The following PAX6 variants were observed in gnomAD, a reference collection of about 807,000 sequenced individuals.
The protein encoded by PAX6 is paired box protein Pax-6.
A neutral mutation model predicts 60.7 loss-of-function variants in PAX6; 7 were observed. The observed-to-expected ratio is 0.12, with a 90% CI of 0.07 to 0.22. The LOEUF is 0.22. Among genes scored for constraint, PAX6 ranks in the 10% least tolerant of loss-of-function variants. PAX6 has a pLI of 1.00. For missense variants in PAX6, 355 were observed against 555.2 expected, an observed-to-expected ratio of 0.64 and a Z score of 3.62; for synonymous variants, 208 against 201.2, an observed-to-expected ratio of 1.03 and a Z score of -0.29.
chr11:31,807,473 A>T (rs1332352917), intron 2 of PAX6: 1 of 152,204 alleles, frequency 6.6e-6, no homozygotes, highest in Admixed American at 6.5e-5. Context: ...CACCAAAAAA[A>T]CTTCCCAATG....
chr11:31,800,912 C>T (rs999681223), intron 7 of PAX6, 56 bp from the exon 8 acceptor site: 1 of 1,556,436 alleles, frequency 6.4e-7, no homozygotes, highest in African/African-American at 1.4e-5. Context: ...GACACAGTCA[C>T]CCATCTCAGC....
chr11:31,807,243 TAG>T (rs1956031810), intron 2 of PAX6: 1 of 151,750 alleles, frequency 6.6e-6, no homozygotes, highest in Non-Finnish European at 1.5e-5. Context: ...GAGTAAGGAG[TAG>T]AGGCCAAGAG....
At chr11:31,800,654 A>G in intron 8 of PAX6, 37 bp downstream of exon 8, 1 of 1,612,348 alleles carries the variant, frequency 6.2e-7, no homozygotes, top group South Asian at 1.1e-5. Context: ...AGGGATGCAC[A>G]TATGGAGAGC....
At chr11:31,800,572 A>C in intron 8 of PAX6, 119 bp downstream of exon 8, 1 of 1,204,702 alleles carries the variant, frequency 8.3e-7, no homozygotes, top group Non-Finnish European at 1.2e-6. Context: ...CTTCAAATGC[A>C]GTCTCACCCA....
chr11:31,808,611 C>A (rs973586971), intron 2 of PAX6: 1 of 151,782 alleles, frequency 6.6e-6, no homozygotes, highest in African/African-American at 2.4e-5. Flanking sequence ...ACAGAATGCT[C>A]CCATCCTGGC....
chr11:31,794,423 CA>C (rs1565204565), intron 9 of PAX6: 24 of 3,168 alleles, frequency 7.6e-3, no homozygotes, highest in African/African-American at 0.034. Flanking sequence ...ACACACACCA[CA>C]CACACACACA....
intron 7 of PAX6, chr11:31,801,261 C>A: frequency 7.2e-7 from 1 of 1,380,274 alleles, no homozygotes; most frequent in South Asian, 1.5e-5. Context: ...TGGATTAGGA[C>A]GAAGTTACAA....
intron 8 of PAX6, among the ~76,000 whole-genome samples, chr11:31,799,078 G>A (rs1304445280): frequency 6.6e-6 from 1 of 152,260 alleles, no homozygotes; most frequent in Non-Finnish European, 1.5e-5. Context: ...ACCTCAGATT[G>A]CTGGGGGCGG....
At chr11:31,802,452 A>G (rs569809145) in intron 5 of PAX6, 2 of 487,954 alleles carry the variant, frequency 4.1e-6, no homozygotes, top group Non-Finnish European at 7.2e-6. Context: ...TTTTAAAAAA[A>G]TCCGCACACA....
At chr11:31,815,030 T>TCTCTC (rs1957313094), upstream of PAX6, 96 of 71,540 alleles carry the variant, frequency 1.3e-3, 1 homozygote, top group African/African-American at 5.1e-3. Flanking sequence ...CTCTCTCTCT[T>TCTCTC]TCTCTCTCTG....
At chr11:31,808,495 T>G (rs1431165039) in intron 2 of PAX6, 1 of 152,222 alleles carries the variant, frequency 6.6e-6, no homozygotes, top group South Asian at 2.1e-4. Flanking sequence ...TGCAGGACCC[T>G]GAAGCTGCAA....
chr11:31,816,758 T>C (rs2135448916), intron 1 of PAX6: 2 of 645,364 alleles, frequency 3.1e-6, no homozygotes, highest in Admixed American at 4.6e-5. Flanking sequence ...GTGACTGAGC[T>C]CCGAAGGTGC....
chr11:31,807,736 C>G (rs1022559819), intron 2 of PAX6: 1 of 152,210 alleles, frequency 6.6e-6, no homozygotes, highest in Non-Finnish European at 1.5e-5. Flanking sequence ...TCCTCGAACC[C>G]AAGGAGCAAA....
chr11:31,800,263 T>A (rs1953210860), intron 8 of PAX6, among the ~76,000 whole-genome samples: 1 of 152,178 alleles, frequency 6.6e-6, no homozygotes, highest in Admixed American at 6.5e-5. Context: ...CTACTCATAG[T>A]CACATAATTT....
At chr11:31,815,511 G>T (rs959257906), upstream of PAX6, among the ~76,000 whole-genome samples, 34 of 152,226 alleles carry the variant, frequency 2.2e-4, no homozygotes, top group African/African-American at 7.7e-4. Context: ...TTTACTGGGG[G>T]ATTTGAGGCT....
At chr11:31,803,161 C>A in intron 4 of PAX6, 1 of 407,674 alleles carries the variant, frequency 2.5e-6, no homozygotes, top group Non-Finnish European at 4.6e-6. Context: ...CAGAGTCAGA[C>A]ACATGCCAAG....
At chr11:31,816,673 T>TC (rs964029798) in intron 1 of PAX6, 31 of 691,660 alleles carry the variant, frequency 4.5e-5, no homozygotes, top group East Asian at 3.8e-4. Context: ...ACTGCGCTCG[T>TC]CCCCCGTTTC....
upstream of PAX6, chr11:31,812,288 TTC>T (rs1163504431): frequency 0.053 from 6,361 of 120,816 alleles, 345 homozygotes; most frequent in East Asian, 0.1. Flanking sequence ...CTGGGAGGGA[TTC>T]TCTCTCTCTC....
At chr11:31,816,908 C>T (rs1957408432) in intron 1 of PAX6, among the ~76,000 whole-genome samples, 1 of 152,256 alleles carries the variant, frequency 6.6e-6, no homozygotes, top group Non-Finnish European at 1.5e-5. Flanking sequence ...TGGGCGTCTC[C>T]AGCTGCTTTT....
Sources: allele counts gnomAD v4.1 joint callset (sites outside exome capture counted in the v4.1 genomes callset), GRCh38; gene constraint gnomAD v4.1.1; transcripts MANE v1.5; gene names NCBI Gene and HGNC (gene_info 2026-07-23, HGNC 2026-07-21).